Variants in MACROD2 observed in about 807,000 individuals in gnomAD.
The protein encoded by MACROD2 is ADP-ribose glycohydrolase MACROD2.
In MACROD2, 36 loss-of-function variants were observed where a neutral mutation model predicts 70.4. That is an observed-to-expected ratio of 0.51 (90% CI 0.39 to 0.68). The LOEUF (loss-of-function observed/expected upper bound fraction) is 0.68, where lower values mean the gene tolerates loss of function less well. Ranked by LOEUF, MACROD2 falls within the 30% of genes least tolerant of loss-of-function variation. MACROD2 has a pLI of 0.00. For synonymous variants in MACROD2, 172 were observed against 178.8 expected (o/e 0.96, Z 0.30); for missense variants, 496 against 538.4 (o/e 0.92, Z 0.78).
intron 3 of MACROD2, among the ~76,000 whole-genome samples, chr20:14,452,360 A>T (rs1014493938): frequency 6.6e-6 from 1 of 152,078 alleles, no homozygotes; most frequent in Non-Finnish European, 1.5e-5. Context: ...TTCTTTTATG[A>T]TAGTGTTTCT....
intron 5 of MACROD2, among the ~76,000 whole-genome samples, chr20:14,962,122 C>T (rs953938166): frequency 1.3e-5 from 2 of 152,134 alleles, no homozygotes; most frequent in African/African-American, 4.8e-5. Context: ...GGACTACAGG[C>T]GTGTGCCACC....
intron 6 of MACROD2, among the ~76,000 whole-genome samples, chr20:15,269,902 C>G (rs1388258895): frequency 6.6e-6 from 1 of 152,062 alleles, no homozygotes; most frequent in Non-Finnish European, 1.5e-5. Flanking sequence ...TTATTTGGCA[C>G]CTATTAGGCC....
chr20:14,985,902 G>A (rs2074844484), intron 5 of MACROD2, among the ~76,000 whole-genome samples: 1 of 152,082 alleles, frequency 6.6e-6, no homozygotes, highest in Non-Finnish European at 1.5e-5. Context: ...TCCTTCCAAA[G>A]TGCTGGGATT....
chr20:15,579,325 A>G (rs1234332173), intron 8 of MACROD2, among the ~76,000 whole-genome samples: 1 of 152,108 alleles, frequency 6.6e-6, no homozygotes, highest in African/African-American at 2.4e-5. Context: ...TTCTCATAAT[A>G]CCTCCAAGAA....
intron 6 of MACROD2, among the ~76,000 whole-genome samples, chr20:15,368,048 A>G (rs1568753943): frequency 6.6e-6 from 1 of 152,190 alleles, no homozygotes; most frequent in Non-Finnish European, 1.5e-5. Context: ...CATTTCTCAA[A>G]ATATATTGTA....
At chr20:14,345,136 A>G (rs1383112910) in intron 3 of MACROD2, among the ~76,000 whole-genome samples, 2 of 152,182 alleles carry the variant, frequency 1.3e-5, no homozygotes, top group African/African-American at 4.8e-5. Flanking sequence ...ACTTTTTTTG[A>G]AAGTAGGATT....
chr20:15,856,507 A>G (rs548503821), intron 8 of MACROD2, among the ~76,000 whole-genome samples: 4 of 152,292 alleles, frequency 2.6e-5, no homozygotes, highest in African/African-American at 9.6e-5. Flanking sequence ...GAAATATCTT[A>G]TGTTTTTGGT....
intron 3 of MACROD2, among the ~76,000 whole-genome samples, chr20:14,370,642 G>C (rs204645): frequency 0.26 from 40,275 of 152,010 alleles, 5,594 homozygotes; most frequent in African/African-American, 0.34. Context: ...CAGGACAATA[G>C]CCTGTTTTAA....
intron 6 of MACROD2, among the ~76,000 whole-genome samples, chr20:15,234,012 C>CTT (rs1177498607): frequency 6.9e-5 from 2 of 29,184 alleles, no homozygotes; most frequent in Admixed American, 5.1e-4. Context: ...TATATATATT[C>CTT]TTTTTTTTTT....
chr20:15,530,593 G>A lies in MACROD2; in HGVS notation c.645+30746G>A, dbSNP rs904151553. 7.2e-5 allele frequency among the ~76,000 whole-genome samples: 11 copies of A among 151,848 alleles called. No individual in the cohort carries two copies. The East Asian group carries it at 9.8e-4, about 13-fold the overall frequency. ...TAAAAATACAAAAAATTAGCCGGGC[G>A]TAGTGGCAGGCGCCTGTAGTCCCAG... On this transcript the variant is annotated intron_variant, in intron 8 of 17. Transcript: ENST00000684519.
At chr20:15,732,802 C>T (rs1175796938) in intron 8 of MACROD2, among the ~76,000 whole-genome samples, 2 of 149,696 alleles carry the variant, frequency 1.3e-5, no homozygotes, top group African/African-American at 4.9e-5. Flanking sequence ...TAATTCCTGC[C>T]TCATGGAATA....
chr20:14,788,683 C>G (rs1027006980), intron 5 of MACROD2, among the ~76,000 whole-genome samples: 3 of 150,500 alleles, frequency 2.0e-5, no homozygotes, highest in African/African-American at 4.9e-5. Flanking sequence ...TTATTTGAAC[C>G]CTGGAAGATA....
chr20:15,717,699 A>G (rs989227847), intron 8 of MACROD2, among the ~76,000 whole-genome samples: 1 of 152,162 alleles, frequency 6.6e-6, no homozygotes, highest in African/African-American at 2.4e-5. Context: ...TGGATTGTCA[A>G]ATGGGGCCTG....
At chr20:15,079,744 C>T (rs1375289679) in intron 5 of MACROD2, among the ~76,000 whole-genome samples, 2 of 152,072 alleles carry the variant, frequency 1.3e-5, no homozygotes, top group East Asian at 3.9e-4. Flanking sequence ...TATTTCCAGG[C>T]AGTTGAACAT....
chr20:14,281,921 C>G (rs1439476160), intron 3 of MACROD2, among the ~76,000 whole-genome samples: 1 of 114,280 alleles, frequency 8.8e-6, no homozygotes, highest in African/African-American at 3.4e-5. Flanking sequence ...GGCGACAGAG[C>G]AGACTCCCTC....
rs1010196503 is a variant in MACROD2, at chr20:15,555,250, A to G, written c.645+55403A>G. ...CCTATTCTCTGATATCTATTTCCCA[A>G]TCAGAATAATGACCAATTCCAGTCC... On this transcript the variant is annotated intron_variant, in intron 8 of 17. Transcript: ENST00000684519. Among the ~76,000 whole-genome samples the G allele has an allele frequency of 2.0e-5, 3 of 152,288 alleles. No individual in the cohort carries two copies. In the East Asian group the frequency reaches 5.8e-4, roughly 30 times the overall value.
rs534536641 is a variant in MACROD2 at position 15,297,799 on chromosome 20, C to T, written c.540+67738C>T. On this transcript the variant is annotated intron_variant, in intron 6 of 17. Transcript: ENST00000684519. ...ACTCTCCATTGACAGGTCCTGGTGA[C>T]CGAAAGTATAATCAAAGTCAGTGCA... 3.3e-5 allele frequency among the ~76,000 whole-genome samples: 5 copies of T among 152,298 alleles called. No homozygotes were observed. The South Asian group carries it at 8.3e-4, about 25-fold the overall frequency.
intron 3 of MACROD2, among the ~76,000 whole-genome samples, chr20:14,389,421 CA>C (rs4052956): frequency 1.5e-3 from 136 of 90,046 alleles, no homozygotes; most frequent in Non-Finnish European, 2.1e-3. Flanking sequence ...GACTTGGTCT[CA>C]AAAAAAAAAA....
intron 3 of MACROD2, among the ~76,000 whole-genome samples, chr20:14,437,726 T>C (rs1600236035): frequency 6.6e-6 from 1 of 152,364 alleles, no homozygotes; most frequent in African/African-American, 2.4e-5. Context: ...ATAATAATGG[T>C]ACTTATATAA....
Sources: gnomAD v4.1 joint callset for allele counts (sites outside exome capture counted in the v4.1 genomes callset) on GRCh38, gnomAD v4.1.1 for gene constraint, MANE v1.5 for transcripts, NCBI Gene and HGNC (gene_info 2026-07-23, HGNC 2026-07-21) for gene names.